Variants in TECPR2 observed in about 807,000 individuals in gnomAD.
The protein encoded by TECPR2 is tectonin beta-propeller repeat containing 2.
TECPR2 carries 65 observed loss-of-function variants against 138.1 expected under a neutral mutation model. That is an observed-to-expected ratio of 0.47 (90% CI 0.39 to 0.58). The LOEUF (loss-of-function observed/expected upper bound fraction) is 0.58, where lower values mean the gene tolerates loss of function less well. Among genes scored for constraint, TECPR2 ranks in the 20% least tolerant of loss-of-function variants. The pLI, the probability that TECPR2 is intolerant of heterozygous loss-of-function variation, is 0.00. For synonymous variants in TECPR2, 746 were observed against 749.8 expected (o/e 0.99, Z 0.08); for missense variants, 1,553 against 1,824.5 (o/e 0.85, Z 2.71).
At chr14:102,416,020 T>C (rs1889016177) in intron 5 of TECPR2, among the ~76,000 whole-genome samples, 1 of 152,208 alleles carries the variant, frequency 6.6e-6, no homozygotes, top group Non-Finnish European at 1.5e-5. Flanking sequence ...AACACACAAG[T>C]TTATTCTCTT....
intron 16 of TECPR2, among the ~76,000 whole-genome samples, chr14:102,464,179 T>C (rs562564635): frequency 6.6e-6 from 1 of 152,222 alleles, no homozygotes; most frequent in East Asian, 1.9e-4. Context: ...CGTGTATCAT[T>C]GTTGTGGGTT....
chr14:102,429,322 G>C (rs1037328671), intron 7 of TECPR2, among the ~76,000 whole-genome samples: 2 of 152,150 alleles, frequency 1.3e-5, no homozygotes, highest in African/African-American at 4.8e-5. Context: ...CCTGCTCTCC[G>C]TCTGAGACAG....
chr14:102,497,504 G>A (rs912883891), intron 18 of TECPR2, 66 bp from the exon 19 acceptor site: 19 of 1,417,304 alleles, frequency 1.3e-5, no homozygotes, highest in Middle Eastern at 2.6e-4. Context: ...CACAAGAGTC[G>A]GCTTGGGAAG....
At chr14:102,450,486 C>G in intron 14 of TECPR2, 74 bp from the exon 15 acceptor site, 1 of 1,465,950 alleles carries the variant, frequency 6.8e-7, no homozygotes, top group South Asian at 1.2e-5. Context: ...CAGCTGTCGT[C>G]CAGAACTAAG....
At chr14:102,483,932 G>A (rs189203992) in intron 17 of TECPR2, among the ~76,000 whole-genome samples, 2,957 of 131,366 alleles carry the variant, frequency 0.023, 75 homozygotes, top group Middle Eastern at 0.079. Context: ...ACGTAGCTGG[G>A]ATTATAGGCA....
At chr14:102,389,790 T>A (rs1297387098) in intron 2 of TECPR2, among the ~76,000 whole-genome samples, 1 of 152,242 alleles carries the variant, frequency 6.6e-6, no homozygotes, top group Non-Finnish European at 1.5e-5. Flanking sequence ...AGATCTTCTC[T>A]AATGATAGAG....
rs1176690596 is a variant in TECPR2, at chr14:102,501,104, C to G, written c.*2847C>G. ...TATTGAATGGCATGGCCCAGACCCTCGGAGGGCCAGGCAACAGGCTAGCAA... is the reference window on the plus strand; with the variant it reads ...TATTGAATGGCATGGCCCAGACCCTGGGAGGGCCAGGCAACAGGCTAGCAA... On this transcript the variant is annotated 3_prime_UTR_variant, in exon 20 of 20. Coordinates refer to ENST00000359520, the MANE Select transcript of TECPR2 (RefSeq NM_014844.5). The G allele has an allele frequency of 6.6e-6, 1 of 152,040 alleles. No homozygotes were observed. Among genetic ancestry groups the G allele is most frequent in the African/African-American group, 2.4e-5 (1 of 41,348 alleles). The allele number at this position is 152,040 out of a possible 1,614,324, so 9.4% of individuals were successfully genotyped here. A position where few individuals can be genotyped will look rare whatever the true frequency, so the allele number is the denominator to read the frequency against.
At chr14:102,366,973 A>G (rs1257878979) in intron 1 of TECPR2, among the ~76,000 whole-genome samples, 1 of 152,188 alleles carries the variant, frequency 6.6e-6, no homozygotes, top group Non-Finnish European at 1.5e-5. Flanking sequence ...AGTTGAGAAG[A>G]AGCCAGATAA....
intron 2 of TECPR2, among the ~76,000 whole-genome samples, chr14:102,393,526 T>A (rs933159556): frequency 6.6e-6 from 1 of 152,214 alleles, no homozygotes; most frequent in Non-Finnish European, 1.5e-5. Flanking sequence ...CACACCAGTA[T>A]TGAGGCTTCC....
intron 7 of TECPR2, among the ~76,000 whole-genome samples, chr14:102,431,591 C>A (rs1429108891): frequency 1.3e-5 from 2 of 152,150 alleles, no homozygotes; most frequent in Non-Finnish European, 2.9e-5. Context: ...ATCCGCCCGC[C>A]TTGGCCTCCC....
chr14:102,374,193 G>T (rs1220439989), intron 1 of TECPR2, among the ~76,000 whole-genome samples: 1 of 151,732 alleles, frequency 6.6e-6, no homozygotes, highest in African/African-American at 2.4e-5. Context: ...AAGAAAAAAT[G>T]ATACTTTGCT....
At chr14:102,410,428 C>T (rs1205354984) in intron 4 of TECPR2, among the ~76,000 whole-genome samples, 1 of 150,042 alleles carries the variant, frequency 6.7e-6, no homozygotes, top group Non-Finnish European at 1.5e-5. Flanking sequence ...CCAAATCCCC[C>T]TCTGTGAGAA....
At chr14:102,473,682 A>G (rs1164711964) in intron 17 of TECPR2, among the ~76,000 whole-genome samples, 1 of 152,220 alleles carries the variant, frequency 6.6e-6, no homozygotes, top group African/African-American at 2.4e-5. Flanking sequence ...CAAAGTACTC[A>G]AAACAAATGA....
intron 17 of TECPR2, among the ~76,000 whole-genome samples, chr14:102,478,863 A>G (rs1037088713): frequency 2.0e-5 from 3 of 151,852 alleles, no homozygotes; most frequent in African/African-American, 7.3e-5. Context: ...CAAAAATACA[A>G]AAAATTAGCT....
chr14:102,401,804 C>CAGA (rs1888493079), intron 2 of TECPR2, among the ~76,000 whole-genome samples: 6 of 68,944 alleles, frequency 8.7e-5, no homozygotes, highest in East Asian at 4.8e-4. Flanking sequence ...GACTCCGTCT[C>CAGA]AAAAAAAAAA....
chr14:102,484,940 C>A (rs971043756), intron 17 of TECPR2, among the ~76,000 whole-genome samples: 1 of 152,154 alleles, frequency 6.6e-6, no homozygotes, highest in Admixed American at 6.6e-5. Context: ...ATTACAGGCG[C>A]GAGCCACTGC....
rs7142078 is a variant in TECPR2 at position 102,475,180 on chromosome 14, C to T, written c.3789+9891C>T. Among the ~76,000 whole-genome samples the T allele has an allele frequency of 4.6e-3, 701 of 152,284 alleles. 5 individuals carry two copies. The highest frequency in any genetic ancestry group is 0.016 in the African/African-American group (674 of 41,540). On this transcript the variant is annotated intron_variant, in intron 17 of 19. Transcript: ENST00000359520. ...GCCTTGGAGTGGTCAGAGGATCTCA[C>T]AAGAGGTGGCACTGGTACAAGAAAG...
chr14:102,378,576 C>G (rs1026613836), intron 2 of TECPR2, among the ~76,000 whole-genome samples: 5 of 152,036 alleles, frequency 3.3e-5, no homozygotes, highest in Non-Finnish European at 5.9e-5. Context: ...TAGTAAATGG[C>G]AGCACCATCA....
At chr14:102,448,723 C>T (rs780483986) in intron 13 of TECPR2, among the ~76,000 whole-genome samples, 7 of 151,758 alleles carry the variant, frequency 4.6e-5, no homozygotes, top group Non-Finnish European at 1.0e-4. Context: ...AAAAATTAGC[C>T]GGCTGTTGTG....
Sources: gnomAD v4.1 joint callset for allele counts (sites outside exome capture counted in the v4.1 genomes callset) on GRCh38, gnomAD v4.1.1 for gene constraint, MANE v1.5 for transcripts, NCBI Gene and HGNC (gene_info 2026-07-23, HGNC 2026-07-21) for gene names.